RAB38: variants seen among roughly 807,000 people sequenced by gnomAD.
The protein encoded by RAB38 is ras-related protein Rab-38.
Under a neutral mutation model 18.4 loss-of-function variants are expected in RAB38, and 15 were observed. The ratio of observed to expected loss-of-function variants is 0.82; its 90% CI spans 0.55 to 1.26. RAB38 has a LOEUF of 1.26. RAB38 is among the 50% of genes most tolerant of loss of function. RAB38 has a pLI of 0.00. For synonymous variants in RAB38, 101 were observed against 104.4 expected, an observed-to-expected ratio of 0.97 and a Z score of 0.20; for missense variants, 294 against 267.4, an observed-to-expected ratio of 1.10 and a Z score of -0.69.
At chr11:88,075,602 C>T in the RAB38 span, among the ~76,000 whole-genome samples, 1 of 152,048 alleles carries the variant, frequency 6.6e-6, no homozygotes, top group Non-Finnish European at 1.5e-5. Flanking sequence ...AACTTCCAGC[C>T]AGGCACAGTG....
chr11:87,951,475 T>A, the RAB38 span, among the ~76,000 whole-genome samples: 1 of 151,644 alleles, frequency 6.6e-6, no homozygotes, highest in Non-Finnish European at 1.5e-5. Flanking sequence ...GCGCTCTGCT[T>A]TTTAGAGTTT....
the RAB38 span, among the ~76,000 whole-genome samples, chr11:87,951,394 CGTCAAA>C: frequency 1.3e-5 from 2 of 152,278 alleles, no homozygotes; most frequent in East Asian, 1.9e-4. Context: ...TGTCTCAACT[CGTCAAA>C]GTCATTCTCC....
At chr11:87,858,759 ATGT>A in the RAB38 span, among the ~76,000 whole-genome samples, 1 of 152,176 alleles carries the variant, frequency 6.6e-6, no homozygotes. Context: ...GGAAGAAGGG[ATGT>A]TGTTATATGT....
chr11:88,124,170 A>C (rs1245075450), intron 2 of RAB38, among the ~76,000 whole-genome samples: 1 of 152,132 alleles, frequency 6.6e-6, no homozygotes. Flanking sequence ...TTGTATTTGG[A>C]TTGTCAATGA....
the RAB38 span, among the ~76,000 whole-genome samples, chr11:87,813,726 A>G: frequency 6.6e-6 from 1 of 152,106 alleles, no homozygotes; most frequent in African/African-American, 2.4e-5. Context: ...CAACTTAGAC[A>G]GAGTTTAGCT....
chr11:88,148,466 G>T (rs1943019742), intron 2 of RAB38, among the ~76,000 whole-genome samples: 1 of 152,154 alleles, frequency 6.6e-6, no homozygotes, highest in African/African-American at 2.4e-5. Context: ...ACAGAGCATG[G>T]TAACTACCAT....
At chr11:87,877,847 C>A in the RAB38 span, among the ~76,000 whole-genome samples, 1 of 151,476 alleles carries the variant, frequency 6.6e-6, no homozygotes, top group Admixed American at 6.6e-5. Flanking sequence ...TCAAATCAAT[C>A]CCTCCTTGTG....
chr11:88,056,526 C>T, the RAB38 span, among the ~76,000 whole-genome samples: 34 of 152,146 alleles, frequency 2.2e-4, no homozygotes, highest in Middle Eastern at 3.4e-3. Context: ...CATGAGGGGC[C>T]CGGCGCAGTG....
At chr11:87,941,212 G>GATATAATATATATATAT in the RAB38 span, among the ~76,000 whole-genome samples, 5 of 37,780 alleles carry the variant, frequency 1.3e-4, no homozygotes, top group African/African-American at 6.5e-4. Flanking sequence ...ATAAATATAT[G>GATATAATATATATATAT]AGATATATAT....
At chr11:88,097,048 A>T in the RAB38 span, among the ~76,000 whole-genome samples, 1 of 151,930 alleles carries the variant, frequency 6.6e-6, no homozygotes, top group African/African-American at 2.4e-5. Flanking sequence ...ATACAAGAAA[A>T]AAAAGAGATC....
the RAB38 span, among the ~76,000 whole-genome samples, chr11:88,083,088 G>T: frequency 2.6e-5 from 4 of 151,654 alleles, no homozygotes; most frequent in Non-Finnish European, 5.9e-5. Context: ...CTATTCTCTG[G>T]GTTGGTCTAG....
At chr11:87,972,819 T>C in the RAB38 span, among the ~76,000 whole-genome samples, 1 of 152,044 alleles carries the variant, frequency 6.6e-6, no homozygotes, top group Admixed American at 6.6e-5. Flanking sequence ...GTGTCCCCAC[T>C]CAAACCTCAT....
intron 2 of RAB38, among the ~76,000 whole-genome samples, chr11:88,138,526 TAAA>T (rs1225297396): frequency 6.6e-6 from 1 of 151,984 alleles, no homozygotes; most frequent in Non-Finnish European, 1.5e-5. Flanking sequence ...CACAGAGAAG[TAAA>T]AAGAAAAATA....
the RAB38 span, among the ~76,000 whole-genome samples, chr11:87,973,420 G>T: frequency 1.3e-5 from 2 of 152,010 alleles, no homozygotes; most frequent in African/African-American, 2.4e-5. Flanking sequence ...TCAAGAATCG[G>T]ACCATAGGCA....
At chr11:88,015,757 G>C in the RAB38 span, among the ~76,000 whole-genome samples, 1 of 152,122 alleles carries the variant, frequency 6.6e-6, no homozygotes, top group Non-Finnish European at 1.5e-5. Flanking sequence ...TCCTGGCTCG[G>C]TTAAAAAAAT....
intron 2 of RAB38, among the ~76,000 whole-genome samples, chr11:88,121,504 C>G (rs1240897390): frequency 6.6e-6 from 1 of 152,210 alleles, no homozygotes; most frequent in Admixed American, 6.5e-5. Flanking sequence ...AATACAATCC[C>G]TGAAAGTTTC....
the RAB38 span, among the ~76,000 whole-genome samples, chr11:87,916,993 T>C: frequency 1.3e-5 from 2 of 152,038 alleles, no homozygotes; most frequent in African/African-American, 4.8e-5. Context: ...CCTCACAGGA[T>C]CAATGGGAAG....
the RAB38 span, among the ~76,000 whole-genome samples, chr11:87,949,102 C>T: frequency 1.3e-5 from 2 of 152,104 alleles, no homozygotes; most frequent in African/African-American, 4.8e-5. Flanking sequence ...TCAACTTCTT[C>T]CTGGTTTAGT....
the RAB38 span, among the ~76,000 whole-genome samples, chr11:88,104,351 CA>C: frequency 3.3e-5 from 5 of 152,012 alleles, no homozygotes; most frequent in African/African-American, 1.2e-4. Context: ...CTGATGTTTA[CA>C]CAAAATAAAT....
Sources: allele counts gnomAD v4.1 joint callset (sites outside exome capture counted in the v4.1 genomes callset), GRCh38; gene constraint gnomAD v4.1.1; transcripts MANE v1.5; gene names NCBI Gene and HGNC (gene_info 2026-07-23, HGNC 2026-07-21).